Variants in VMA21 observed in about 807,000 individuals in gnomAD.
VMA21 encodes the protein vacuolar ATPase assembly factor VMA21, also known as vacuolar ATPase assembly integral membrane protein VMA21.
For synonymous variants in VMA21, 47 were observed against 34.1 expected, an observed-to-expected ratio of 1.38 and a Z score of -1.32; for missense variants, 61 against 80.6, an observed-to-expected ratio of 0.76 and a Z score of 0.93.
intron 1 of VMA21, 66 bp from the exon 2 acceptor site, chrX:151,403,565 G>T: frequency 1.2e-6 from 1 of 803,685 alleles, no homozygotes. Context: ...TATAGTTTCA[G>T]GGACATAAGA....
rs1302437251 is a variant in VMA21 at position 151,406,211 on chromosome X, T to C, written c.*1153T>C. 8.9e-6 allele frequency: 1 copy of C among 111,840 alleles called. No homozygotes were observed. Among genetic ancestry groups the C allele is most frequent in the Non-Finnish European group, 1.9e-5 (1 of 53,236 alleles). The allele number at this position is 111,840 out of a possible 1,213,427, so 9.2% of individuals were successfully genotyped here. ...TGCCATCTAAAAATAACCTCTATTT[T>C]AGTTGATATCCCGTATTCATTTTTG... On this transcript the variant is annotated 3_prime_UTR_variant, in exon 3 of 3. Coordinates refer to ENST00000330374, the MANE Select transcript of VMA21 (RefSeq NM_001017980.4).
Position 151,406,866 on chromosome X carries a change from A to G in VMA21, c.*1808A>G, listed in dbSNP as rs2011298235. 8.9e-6 allele frequency: 1 copy of G among 112,347 alleles called. No homozygotes were observed. Among genetic ancestry groups the G allele is most frequent in the Non-Finnish European group, 1.9e-5 (1 of 53,368 alleles). 9.3% of individuals were successfully genotyped at this position (112,347 alleles called of 1,213,427 possible). A position where few individuals can be genotyped will look rare whatever the true frequency, so the allele number is the denominator to read the frequency against. On this transcript the variant is annotated 3_prime_UTR_variant, in exon 3 of 3. Transcript: ENST00000330374. Reference sequence around the variant, plus strand: ...AGGAATAGAGGGATGATTAGTCATAAAAGTCAAATAGCATTTGTGTTTAAC... The same window carrying G: ...AGGAATAGAGGGATGATTAGTCATAGAAGTCAAATAGCATTTGTGTTTAAC...
chrX:151,402,682 G>A (rs190612573), intron 1 of VMA21, among the ~76,000 whole-genome samples: 1 of 112,810 alleles, frequency 8.9e-6, no homozygotes, highest in Non-Finnish European at 1.9e-5. Context: ...TCCAGCTGGG[G>A]AGGGCGCACT....
At chrX:151,396,814 G>T (rs192740639), upstream of VMA21, 1,162 of 507,608 alleles carry the variant, frequency 2.3e-3, 7 homozygotes, top group African/African-American at 0.025. Context: ...CAGCCCTCTG[G>T]CTGGTAGTCC....
chrX:151,397,040 G>A (rs1176392701), upstream of VMA21: 14 of 497,569 alleles, frequency 2.8e-5, no homozygotes, highest in East Asian at 4.8e-4. Context: ...CAGGGCGCAC[G>A]CCGCGGAGCC....
rs1309209736 is a variant in VMA21, at chrX:151,405,290, GTTAAT to G, written c.*239_*243del. ...GGAAAAGTTAGTTACAAAGAAATAT[GTTAAT>G]TTAATTAGACAATACTCTGGAAGGA... On this transcript the variant is annotated 3_prime_UTR_variant, in exon 3 of 3. Coordinates refer to ENST00000330374, the MANE Select transcript of VMA21 (RefSeq NM_001017980.4). 2 of 353,826 alleles carry G rather than the reference GTTAAT, an allele frequency of 5.7e-6. No homozygotes were observed. Among genetic ancestry groups the G allele is most frequent in the African/African-American group, 5.3e-5 (2 of 37,872 alleles). 29.2% of individuals were successfully genotyped at this position (353,826 alleles called of 1,213,427 possible).
chrX:151,397,062 G>C, upstream of VMA21: 1 of 475,761 alleles, frequency 2.1e-6, no homozygotes. Context: ...CCGCCGGTAA[G>C]TCATGTGAGC....
upstream of VMA21, chrX:151,396,675 C>G (rs2011191311): frequency 9.9e-6 from 4 of 403,172 alleles, no homozygotes; most frequent in Admixed American, 4.2e-5. Context: ...TCCCAGCTGC[C>G]AAGGGCTTGA....
At position 151,406,122 on chromosome X, in the gene VMA21, C is replaced by G; in HGVS notation, c.*1064C>G. The G allele has an allele frequency of 9.0e-6, 1 of 111,092 alleles. No homozygotes were observed. Among genetic ancestry groups the G allele is most frequent in the Non-Finnish European group, 1.9e-5 (1 of 53,022 alleles). 9.2% of individuals were successfully genotyped at this position (111,092 alleles called of 1,213,427 possible). A position where few individuals can be genotyped will look rare whatever the true frequency, so the allele number is the denominator to read the frequency against. On this transcript the variant is annotated 3_prime_UTR_variant, in exon 3 of 3. Coordinates refer to ENST00000330374, the MANE Select transcript of VMA21 (RefSeq NM_001017980.4). The stretch of plus-strand genomic sequence containing the variant: ...TAATTATAAAATCATAGTATATGTT[C>G]TTTGTAGAAAACTGGAAAAATACAT...
chrX:151,397,265 A>C lies in VMA21; in HGVS notation c.-44A>C. ...CGGAGCTTACTGAGCGCGGCCGCCG[A>C]GCCCAGCTCCGCCGCCGAGCGCCTG... is the stretch of plus-strand genomic sequence containing the variant. On this transcript the variant is annotated 5_prime_UTR_variant, in exon 1 of 3. Transcript: ENST00000330374. 3 of 1,147,280 alleles carry C rather than the reference A, an allele frequency of 2.6e-6. No homozygotes were observed. Among genetic ancestry groups the C allele is most frequent in the Non-Finnish European group, 2.3e-6 (2 of 865,691 alleles). The allele number at this position is 1,147,280 out of a possible 1,213,427, so 94.5% of individuals were successfully genotyped here.
At chrX:151,396,895 A>G (rs1457289937), upstream of VMA21, 1 of 522,285 alleles carries the variant, frequency 1.9e-6, no homozygotes, top group Admixed American at 2.6e-5. Flanking sequence ...GACGAGGACC[A>G]GTGTTCACGC....
chrX:151,397,295 G>T lies in VMA21; in HGVS notation c.-14G>T, dbSNP rs192786179. ...AGCTCCGCCGCCGAGCGCCTGTGCC[G>T]GCACGGCTACACCATGGAGCGCCCG... On this transcript the variant is annotated 5_prime_UTR_variant, in exon 1 of 3. Coordinates refer to ENST00000330374, the MANE Select transcript of VMA21 (RefSeq NM_001017980.4). 2,511 of 1,156,310 alleles carry T rather than the reference G, an allele frequency of 2.2e-3. 32 individuals carry two copies. In the African/African-American group the frequency reaches 0.037, roughly 17 times the overall value.
At position 151,397,570 on chromosome X, in the gene VMA21, T is replaced by C. The variant is rs761710827; in HGVS notation, c.53+209T>C. 2.5e-4 allele frequency among the ~76,000 whole-genome samples: 28 copies of C among 112,552 alleles called. No individual in the cohort carries two copies. In the Admixed American group the frequency reaches 2.6e-3, roughly 10 times the overall value. On this transcript the variant is annotated intron_variant, in intron 1 of 2. Transcript: ENST00000330374. ...CTCGGGAACAAGGGATCCGGGGTCA[T>C]GGGGAATAGGTCAGTGGGCCTTCAG...
In VMA21 at chrX:151,404,932, C is replaced by T. The variant is rs753885021; in HGVS notation, c.180C>T (p.Ser60=). ...TCTTGATAGGCGCCCTTGGGATGTC[C>T]AATAGGGACAGCTATTTTTACGCTG... ...SYIFEGALGM[S]NRDSYFYAAI... Residue 60 remains serine (S), a synonymous_variant, in exon 3 of 3, where the codon TCC becomes TCT. Coordinates refer to ENST00000330374, the MANE Select transcript of VMA21 (RefSeq NM_001017980.4). The T allele has an allele frequency of 2.5e-6, 3 of 1,209,520 alleles. No individual in the cohort carries two copies. The highest frequency in any genetic ancestry group is 4.4e-5 in the Admixed American group (2 of 45,776).
At chrX:151,398,598 GTTTT>G (rs956643997) in intron 1 of VMA21, among the ~76,000 whole-genome samples, 2 of 109,595 alleles carry the variant, frequency 1.8e-5, no homozygotes, top group African/African-American at 6.7e-5. Flanking sequence ...CTCAATGTGG[GTTTT>G]TTTTTAATTA....
chrX:151,401,445 GAAAGTGTGATGCTTAC>G (rs763821030), intron 1 of VMA21, among the ~76,000 whole-genome samples: 124 of 112,264 alleles, frequency 1.1e-3, no homozygotes, highest in Admixed American at 2.3e-3. Flanking sequence ...TTTTAAATCA[GAAAGTGTGATGCTTAC>G]AACTTTTTCA....
Position 151,407,303 on chromosome X carries a change from G to A in VMA21, c.*2245G>A, listed in dbSNP as rs992587020. The A allele has an allele frequency of 8.8e-6, 1 of 113,023 alleles. No individual in the cohort carries two copies. The highest frequency in any genetic ancestry group is 9.3e-5 in the Admixed American group (1 of 10,709). The allele number at this position is 113,023 out of a possible 1,213,427, so 9.3% of individuals were successfully genotyped here. A position where few individuals can be genotyped will look rare whatever the true frequency, so the allele number is the denominator to read the frequency against. On this transcript the variant is annotated 3_prime_UTR_variant, in exon 3 of 3. Coordinates refer to ENST00000330374, the MANE Select transcript of VMA21 (RefSeq NM_001017980.4). The stretch of plus-strand genomic sequence containing the variant: ...ATCAAATGCTAGGGTTGATATTTAG[G>A]CTTATAACAAAATAGGCTTGTTTTC...
intron 1 of VMA21, among the ~76,000 whole-genome samples, chrX:151,399,446 C>T (rs758884160): frequency 8.9e-6 from 1 of 112,283 alleles, no homozygotes; most frequent in Non-Finnish European, 1.9e-5. Context: ...TTAACACTTC[C>T]TTTCTGTTCC....
chrX:151,399,793 G>A (rs2011224039), intron 1 of VMA21, among the ~76,000 whole-genome samples: 1 of 111,059 alleles, frequency 9.0e-6, no homozygotes, highest in Non-Finnish European at 1.9e-5. Flanking sequence ...TTTTTTTACA[G>A]CAGTAAGCAT....
Sources: allele counts gnomAD v4.1 joint callset (sites outside exome capture counted in the v4.1 genomes callset), GRCh38; gene constraint gnomAD v4.1.1; transcripts MANE v1.5; gene names NCBI Gene and HGNC (gene_info 2026-07-23, HGNC 2026-07-21).